Variants in DPP6 observed in about 807,000 individuals in gnomAD.
DPP6 encodes A-type potassium channel modulatory protein DPP6.
DPP6 carries 69 observed loss-of-function variants against 122.6 expected under a neutral mutation model. That is an observed-to-expected ratio of 0.56 (90% confidence interval 0.46 to 0.69). DPP6 has a LOEUF of 0.69. Among genes scored for constraint, DPP6 ranks in the 30% least tolerant of loss-of-function variants. The pLI, the probability that DPP6 is intolerant of heterozygous loss-of-function variation, is 0.00. For synonymous variants in DPP6, 418 were observed against 433.1 expected (o/e 0.97, Z 0.43); for missense variants, 928 against 1,116.9 (o/e 0.83, Z 2.41).
At chr7:154,330,494 A>G (rs1288900410) in intron 1 of DPP6, among the ~76,000 whole-genome samples, 1 of 152,188 alleles carries the variant, frequency 6.6e-6, no homozygotes, top group Non-Finnish European at 1.5e-5. Flanking sequence ...TGAGCGTGAT[A>G]TGATTCCTCT....
intron 3 of DPP6, among the ~76,000 whole-genome samples, chr7:154,511,788 C>T (rs935263927): frequency 6.7e-6 from 1 of 149,750 alleles, no homozygotes; most frequent in African/African-American, 2.6e-5. Flanking sequence ...TATGATCTTA[C>T]CATAGTGTTA....
At chr7:153,967,861 T>G (rs994458750) in intron 1 of DPP6, among the ~76,000 whole-genome samples, 3 of 151,960 alleles carry the variant, frequency 2.0e-5, no homozygotes, top group South Asian at 2.1e-4. Flanking sequence ...ACAGCTGAGT[T>G]AGTGAGTCCT....
chr7:154,470,925 C>T (rs1330454410), intron 2 of DPP6, among the ~76,000 whole-genome samples: 1 of 152,100 alleles, frequency 6.6e-6, no homozygotes, highest in African/African-American at 2.4e-5. Context: ...ATGGCAAAAG[C>T]ATGTGGAAGT....
At chr7:154,627,248 T>G (rs1835143785) in intron 5 of DPP6, among the ~76,000 whole-genome samples, 1 of 141,006 alleles carries the variant, frequency 7.1e-6, no homozygotes. Flanking sequence ...CAAGCTGGAG[T>G]GCAGTGGCGC....
chr7:154,685,213 C>G (rs756847171), intron 7 of DPP6, among the ~76,000 whole-genome samples: 1 of 152,204 alleles, frequency 6.6e-6, no homozygotes, highest in Non-Finnish European at 1.5e-5. Flanking sequence ...CCAATGTATT[C>G]GTAATTTCCC....
intron 1 of DPP6, among the ~76,000 whole-genome samples, chr7:154,313,716 C>CCCAT (rs1404245105): frequency 4.5e-5 from 1 of 22,304 alleles, no homozygotes; most frequent in African/African-American, 1.1e-4. Context: ...TATATATATA[C>CCCAT]ACACACACGC....
chr7:153,760,982 A>G, the DPP6 span, among the ~76,000 whole-genome samples: 3 of 151,990 alleles, frequency 2.0e-5, no homozygotes. Flanking sequence ...CCAGACTCTC[A>G]GCTCCATCTG....
the DPP6 span, among the ~76,000 whole-genome samples, chr7:153,860,762 A>G: frequency 6.6e-6 from 1 of 152,112 alleles, no homozygotes; most frequent in Non-Finnish European, 1.5e-5. Flanking sequence ...TCACACCTAT[A>G]TAATTGTTTC....
At chr7:154,311,180 A>C (rs1806845187) in intron 1 of DPP6, among the ~76,000 whole-genome samples, 1 of 152,184 alleles carries the variant, frequency 6.6e-6, no homozygotes, top group Non-Finnish European at 1.5e-5. Flanking sequence ...CATAGCCTTA[A>C]ATCATGGAAG....
intron 5 of DPP6, among the ~76,000 whole-genome samples, chr7:154,574,967 G>T (rs1831443632): frequency 1.4e-5 from 2 of 140,942 alleles, no homozygotes; most frequent in African/African-American, 5.3e-5. Context: ...GTTTTTGTGT[G>T]GTGTGTGGTG....
the DPP6 span, among the ~76,000 whole-genome samples, chr7:153,846,120 G>C: frequency 8.6e-4 from 131 of 152,334 alleles, 2 homozygotes; most frequent in African/African-American, 3.1e-3. Flanking sequence ...ATGTAGGAGA[G>C]TGTCAGGTGC....
chr7:154,348,250 G>A (rs549575778), intron 1 of DPP6, among the ~76,000 whole-genome samples: 24 of 152,332 alleles, frequency 1.6e-4, no homozygotes, highest in Non-Finnish European at 3.1e-4. Flanking sequence ...AAAGTCATAC[G>A]ATTCTATTCT....
At chr7:154,108,274 G>A (rs1806313964) in intron 1 of DPP6, among the ~76,000 whole-genome samples, 1 of 152,144 alleles carries the variant, frequency 6.6e-6, no homozygotes, top group Non-Finnish European at 1.5e-5. Flanking sequence ...CCACCAATTT[G>A]CTAAGTGGCC....
At chr7:154,013,450 T>C (rs1798243582) in intron 1 of DPP6, among the ~76,000 whole-genome samples, 1 of 137,344 alleles carries the variant, frequency 7.3e-6, no homozygotes, top group African/African-American at 3.1e-5. Flanking sequence ...AAACCTCAGG[T>C]TTCTTTTCTT....
At chr7:154,681,901 C>T (rs1038793149) in intron 7 of DPP6, among the ~76,000 whole-genome samples, 1 of 152,088 alleles carries the variant, frequency 6.6e-6, no homozygotes, top group African/African-American at 2.4e-5. Context: ...CTTTATTTCC[C>T]AGACCAAATG....
the DPP6 span, among the ~76,000 whole-genome samples, chr7:153,835,397 GA>G: frequency 1.0e-3 from 149 of 141,968 alleles, no homozygotes; most frequent in Middle Eastern, 3.7e-3. Flanking sequence ...TGACTGTGTG[GA>G]AAAAAAAAAA....
At chr7:154,751,445 C>T (rs1006296988) in intron 8 of DPP6, among the ~76,000 whole-genome samples, 1 of 136,918 alleles carries the variant, frequency 7.3e-6, no homozygotes, top group African/African-American at 2.7e-5. Context: ...CCTAAAAATA[C>T]AAAAAAAAAA....
At chr7:154,610,673 GTT>G (rs879735197) in intron 5 of DPP6, among the ~76,000 whole-genome samples, 1 of 146,524 alleles carries the variant, frequency 6.8e-6, no homozygotes, top group South Asian at 2.2e-4. Flanking sequence ...TCCAATTTAT[GTT>G]TTTTTTTTAT....
At chr7:154,195,613 A>G (rs1031006492) in intron 1 of DPP6, among the ~76,000 whole-genome samples, 2 of 152,230 alleles carry the variant, frequency 1.3e-5, no homozygotes, top group African/African-American at 4.8e-5. Flanking sequence ...GGAAGATGGC[A>G]CTAGACACCT....
Sources: gnomAD v4.1 joint callset for allele counts (sites outside exome capture counted in the v4.1 genomes callset) on GRCh38, gnomAD v4.1.1 for gene constraint, MANE v1.5 for transcripts, NCBI Gene and HGNC (gene_info 2026-07-23, HGNC 2026-07-21) for gene names.